Variants in GOLGA3 observed in about 807,000 individuals in gnomAD.
GOLGA3 encodes the protein golgin A3, also known as golgin subfamily A member 3.
In GOLGA3, 75 loss-of-function variants were observed where a neutral mutation model predicts 169.4. The observed-to-expected ratio is 0.44, with a 90% confidence interval of 0.37 to 0.54. The LOEUF (loss-of-function observed/expected upper bound fraction) is 0.54, where lower values mean the gene tolerates loss of function less well. Among genes scored for constraint, GOLGA3 ranks in the 20% least tolerant of loss-of-function variants. GOLGA3 has a pLI of 0.00. For synonymous variants in GOLGA3, 824 were observed against 822.4 expected, an observed-to-expected ratio of 1.00 and a Z score of -0.03; for missense variants, 1,899 against 1,930.0, an observed-to-expected ratio of 0.98 and a Z score of 0.30.
chr12:132,777,938 C>A lies in GOLGA3; in HGVS notation c.3583-133G>T. ...TGCCGGCGTGTGCTTCTCCACAGGC[C>A]TGTCAAGTTCCTTGTAAAGATGAAA... On this transcript the variant is annotated intron_variant, in intron 18 of 23. Coordinates refer to ENST00000450791, the MANE Select transcript of GOLGA3 (RefSeq NM_001389683.1). This position sits in a 1 kb window ranked among gnomAD's most constrained non-coding sequence, Gnocchi z 4.7. 1.1e-6 allele frequency: 1 copy of A among 947,338 alleles called. No homozygotes were observed. The highest frequency in any genetic ancestry group is 1.5e-6 in the Non-Finnish European group (1 of 649,260). 58.7% of individuals were successfully genotyped at this position (947,338 alleles called of 1,614,324 possible). A position where few individuals can be genotyped will look rare whatever the true frequency, so the allele number is the denominator to read the frequency against.
Position 132,816,659 on chromosome 12 carries a change from C to A in GOLGA3, c.287G>T (p.Gly96Val), listed in dbSNP as rs1261255169. The A allele has an allele frequency of 6.2e-7, 1 of 1,614,154 alleles. No individual in the cohort carries two copies. The highest frequency in any genetic ancestry group is 2.2e-5 in the East Asian group (1 of 44,880). The part of the protein sequence containing the change: ...TSPVGPDASP[G>V]VAGFHDNLRK... The stretch of plus-strand genomic sequence containing the variant: ...TAGGTTGTCATGGAAACCAGCCACA[C>A]CTGGAGAGGCATCAGGGCCCACTGG... The change falls in exon 3 of 24, where the codon GGT (glycine) becomes GTT (valine). Residue 96 changes from glycine to valine, a missense_variant. By Grantham distance (109) the Gly-to-Val change is moderately radical (BLOSUM62 -3). Coordinates refer to ENST00000450791, the MANE Select transcript of GOLGA3 (RefSeq NM_001389683.1).
chr12:132,807,952 G>C lies in GOLGA3; in HGVS notation c.1117C>G (p.Gln373Glu), dbSNP rs372192050. The change falls in exon 5 of 24, where the codon CAA becomes GAA. Residue 373 changes from glutamine to glutamate, a missense_variant. By Grantham distance (29) the Gln-to-Glu change is conservative. Coordinates refer to ENST00000450791, the MANE Select transcript of GOLGA3 (RefSeq NM_001389683.1). The stretch of plus-strand genomic sequence containing the variant: ...CCGTTGACCTCCTGCCCCTGGTCTT[G>C]GTGCTCAGCGGCTGCGGCCTGGAGG... ...DVLQAAAAEH[Q>E]DQGQEVNGEV... 43 of 1,611,908 alleles carry C rather than the reference G, an allele frequency of 2.7e-5. No homozygotes were observed. Among genetic ancestry groups the C allele is most frequent in the Non-Finnish European group, 3.4e-5 (40 of 1,179,312 alleles).
Position 132,770,492 on chromosome 12 carries a change from C to T in GOLGA3, c.*2613G>A, listed in dbSNP as rs561714153. ...AAACCGGGGTGAGAACATAGAGCTA[C>T]TTTTCCTTCGGTATTTTCAGAATTA... On this transcript the variant is annotated 3_prime_UTR_variant, in exon 24 of 24. Coordinates refer to ENST00000450791, the MANE Select transcript of GOLGA3 (RefSeq NM_001389683.1). 1 of 152,260 alleles carries T rather than the reference C, an allele frequency of 6.6e-6. No individual in the cohort carries two copies. Among genetic ancestry groups the T allele is most frequent in the East Asian group, 1.9e-4 (1 of 5,174 alleles). The allele number at this position is 152,260 out of a possible 1,614,324, so 9.4% of individuals were successfully genotyped here. A position where few individuals can be genotyped will look rare whatever the true frequency, so the allele number is the denominator to read the frequency against.
At chr12:132,814,442 G>A (rs1949866353) in intron 3 of GOLGA3, among the ~76,000 whole-genome samples, 3 of 152,176 alleles carry the variant, frequency 2.0e-5, no homozygotes, top group South Asian at 4.1e-4. Context: ...GCAGGTTCTC[G>A]TGACCCCGCT....
Position 132,777,496 on chromosome 12 carries a change from G to C in GOLGA3, c.3722+170C>G, listed in dbSNP as rs766724633. On this transcript the variant is annotated intron_variant, in intron 19 of 23. Transcript: ENST00000450791. The surrounding 1 kb of genome is among the most constrained non-coding windows in gnomAD (Gnocchi z 4.7). Reference sequence around the variant, plus strand: ...GGGGAGGACACGGGGCAGTGAGTGAGGCTCAGGATTCTGGAGACGGAGGCT... The same window carrying C: ...GGGGAGGACACGGGGCAGTGAGTGACGCTCAGGATTCTGGAGACGGAGGCT... Among the ~76,000 whole-genome samples the C allele has an allele frequency of 7.2e-5, 11 of 152,240 alleles. No individual in the cohort carries two copies. The highest frequency in any genetic ancestry group is 1.2e-4 in the Non-Finnish European group (8 of 68,042).
At chr12:132,796,327 CT>C (rs1159308544) in intron 10 of GOLGA3, 107 bp from the exon 11 acceptor site, 15 of 1,350,964 alleles carry the variant, frequency 1.1e-5, no homozygotes, top group East Asian at 2.4e-5. Flanking sequence ...TATGGAGGGT[CT>C]TTTTTTCACG....
intron 3 of GOLGA3, among the ~76,000 whole-genome samples, chr12:132,814,027 T>C (rs1949842705): frequency 7.0e-6 from 1 of 143,126 alleles, no homozygotes; most frequent in East Asian, 2.1e-4. Flanking sequence ...CCCGGCCTTT[T>C]TTTTTTTTTT....
In GOLGA3 at chr12:132,795,938, CTCT is replaced by C; in HGVS notation, c.2380_2382del (p.Arg794del). 1 of 1,614,132 alleles carries C rather than the reference CTCT, an allele frequency of 6.2e-7. No individual in the cohort carries two copies. The highest frequency in any genetic ancestry group is 1.3e-5 in the African/African-American group (1 of 75,062). On this transcript the variant is annotated inframe_deletion, in exon 11 of 24. Transcript: ENST00000450791. ...GTACCTTCTTCCAAGCGTCTTGCTC[CTCT>C]GTCAAGCTCCTCCTTGCCACTCTTG...
At position 132,770,026 on chromosome 12, in the gene GOLGA3, G is replaced by A. The variant is rs1424269398; in HGVS notation, c.*3079C>T. ...GAGGCTCAGGATCACCTGAGGTCAAGAGTTCAAGACCAGCCTGGCCAACAT... is the reference window on the plus strand; with the variant it reads ...GAGGCTCAGGATCACCTGAGGTCAAAAGTTCAAGACCAGCCTGGCCAACAT... On this transcript the variant is annotated 3_prime_UTR_variant, in exon 24 of 24. Transcript: ENST00000450791. The A allele has an allele frequency of 2.6e-5, 4 of 152,134 alleles. No homozygotes were observed. Among genetic ancestry groups the A allele is most frequent in the Non-Finnish European group, 5.9e-5 (4 of 68,040 alleles). 9.4% of individuals were successfully genotyped at this position (152,134 alleles called of 1,614,324 possible). A position where few individuals can be genotyped will look rare whatever the true frequency, so the allele number is the denominator to read the frequency against.
chr12:132,826,256 A>AAG, intron 1 of GOLGA3: 1 of 1,280,924 alleles, frequency 7.8e-7, no homozygotes, highest in Non-Finnish European at 1.1e-6. Context: ...AAAAAAAAAA[A>AAG]AAGAAACTGG....
chr12:132,773,435 GCT>G lies in GOLGA3; in HGVS notation c.4308-143_4308-142del. On this transcript the variant is annotated intron_variant, in intron 23 of 23. Transcript: ENST00000450791. ...CCGCAAACCAACTGAGACCACAGAA[GCT>G]CAGCTGTTCTCAGCACCGTTCTCTA... The G allele has an allele frequency of 8.3e-5, 36 of 434,670 alleles. No homozygotes were observed. The South Asian group carries it at 9.0e-4, about 11-fold the overall frequency. The allele number at this position is 434,670 out of a possible 1,614,324, so 26.9% of individuals were successfully genotyped here.
intron 1 of GOLGA3, among the ~76,000 whole-genome samples, chr12:132,822,961 C>T (rs1352562652): frequency 6.6e-6 from 1 of 152,190 alleles, no homozygotes; most frequent in East Asian, 1.9e-4. Flanking sequence ...CTCACAGGCC[C>T]CCCTCTCAGC....
At chr12:132,788,928 C>CCCAGACACAGGCCCCGCA in intron 13 of GOLGA3, 99 bp downstream of exon 13, 1 of 977,036 alleles carries the variant, frequency 1.0e-6, no homozygotes, top group Non-Finnish European at 1.4e-6. Flanking sequence ...CAGACCCCGC[C>CCCAGACACAGGCCCCGCA]CCAGACACAG....
intron 15 of GOLGA3, among the ~76,000 whole-genome samples, chr12:132,784,893 C>T (rs1428043787): frequency 6.6e-6 from 1 of 152,196 alleles, no homozygotes; most frequent in African/African-American, 2.4e-5. Context: ...ACGCTGCACA[C>T]ACACATGCTC....
intron 11 of GOLGA3, among the ~76,000 whole-genome samples, chr12:132,794,452 T>C (rs779795568): frequency 2.5e-4 from 38 of 151,910 alleles, no homozygotes; most frequent in Non-Finnish European, 1.6e-4. Context: ...CGGCTGACTA[T>C]GGTCCCCAGG....
At chr12:132,799,480 A>T (rs1005537162) in intron 8 of GOLGA3, among the ~76,000 whole-genome samples, 1 of 152,108 alleles carries the variant, frequency 6.6e-6, no homozygotes, top group African/African-American at 2.4e-5. Context: ...CTTACAGAAA[A>T]CTTTTAAACA....
chr12:132,802,301 C>T (rs916237469), intron 7 of GOLGA3, among the ~76,000 whole-genome samples: 2 of 152,122 alleles, frequency 1.3e-5, no homozygotes, highest in African/African-American at 2.4e-5. Flanking sequence ...ACCGAGCTCA[C>T]GGCCAACAGC....
At chr12:132,828,648 G>A (rs1265339766) in intron 1 of GOLGA3, 155 bp downstream of exon 1, 1 of 152,332 alleles carries the variant, frequency 6.6e-6, no homozygotes, top group African/African-American at 2.4e-5. Context: ...CCGCAGCGAG[G>A]CGGGGGTGAC....
chr12:132,812,753 G>C (rs997780142), intron 4 of GOLGA3, among the ~76,000 whole-genome samples: 2 of 152,208 alleles, frequency 1.3e-5, no homozygotes, highest in Non-Finnish European at 2.9e-5. Context: ...GCATGTTACA[G>C]AGACATCTTT....
Sources: gnomAD v4.1 joint callset for allele counts (sites outside exome capture counted in the v4.1 genomes callset) on GRCh38, gnomAD v4.1.1 for gene constraint, Gnocchi (gnomAD v3.1) non-coding constraint, MANE v1.5 for transcripts, NCBI Gene and HGNC (gene_info 2026-07-23, HGNC 2026-07-21) for gene names.